Variants in NEDD4 observed in about 807,000 individuals in gnomAD.
NEDD4 encodes E3 ubiquitin-protein ligase NEDD4.
In NEDD4, 99 loss-of-function variants were observed where a neutral mutation model predicts 144.9. The observed-to-expected ratio is 0.68, with a 90% CI of 0.58 to 0.81. The LOEUF is 0.81. NEDD4 is among the 30% of genes least tolerant of loss of function. The pLI, the probability that NEDD4 is intolerant of heterozygous loss-of-function variation, is 0.00. For missense variants in NEDD4, 985 were observed against 1,065.9 expected (o/e 0.92, Z 1.06); for synonymous variants, 318 against 350.6 (o/e 0.91, Z 1.04).
rs569672028 is a variant in NEDD4 at position 55,847,030 on chromosome 15, A to G, written c.1547T>C (p.Val516Ala). 9.4e-6 allele frequency: 15 copies of G among 1,600,594 alleles called. No individual in the cohort carries two copies. The South Asian group carries it at 1.4e-4, about 15-fold the overall frequency. ...TCTTTTGTAATCCCTGGAGTAGGGC[A>G]CTGCCTTTAGTTGGAAATTTTGGAA... ...LENVAITGPA[V>A]PYSRDYKRKY... Residue 516 changes from valine to alanine, a missense_variant, in exon 18 of 29, where the codon GTG (valine) becomes GCG (alanine). Physicochemically the swap from Val to Ala is moderately conservative, Grantham distance 64 (BLOSUM62 0). Coordinates refer to ENST00000435532, the MANE Select transcript of NEDD4 (RefSeq NM_006154.4).
At chr15:55,913,694 G>T (rs1340708853) in intron 5 of NEDD4, among the ~76,000 whole-genome samples, 1 of 151,816 alleles carries the variant, frequency 6.6e-6, no homozygotes, top group Non-Finnish European at 1.5e-5. Flanking sequence ...AGTAACAGTG[G>T]ATATTTTTAA....
At chr15:55,903,109 T>C (rs1376173216) in intron 5 of NEDD4, among the ~76,000 whole-genome samples, 1 of 152,156 alleles carries the variant, frequency 6.6e-6, no homozygotes, top group African/African-American at 2.4e-5. Context: ...ACAATGGCCA[T>C]AAGAAAACAC....
chr15:55,964,032 G>C (rs1238088918), intron 2 of NEDD4, among the ~76,000 whole-genome samples: 2 of 151,928 alleles, frequency 1.3e-5, no homozygotes, highest in African/African-American at 4.8e-5. Flanking sequence ...TTTTTGTCAA[G>C]ATTTTTCTCT....
intron 5 of NEDD4, among the ~76,000 whole-genome samples, chr15:55,887,609 A>G (rs2035435441): frequency 6.6e-6 from 1 of 152,206 alleles, no homozygotes; most frequent in African/African-American, 2.4e-5. Context: ...ACAGAGGAGG[A>G]GGGAATACTT....
chr15:55,874,018 A>G lies in NEDD4; in HGVS notation c.292-10T>C. The G allele has an allele frequency of 6.8e-7, 1 of 1,474,752 alleles. No individual in the cohort carries two copies. 91.4% of individuals were successfully genotyped at this position (1,474,752 alleles called of 1,614,324 possible). A position where few individuals can be genotyped will look rare whatever the true frequency, so the allele number is the denominator to read the frequency against. On this transcript the variant is annotated splice_polypyrimidine_tract_variant and intron_variant, in intron 5 of 28. Coordinates refer to ENST00000435532, the MANE Select transcript of NEDD4 (RefSeq NM_006154.4). ...GGAAATCATCTCTTGTCTATAAGAGAAGGAAGAAAAAATATAATTAGTAAT... is the reference window on the plus strand; with the variant it reads ...GGAAATCATCTCTTGTCTATAAGAGGAGGAAGAAAAAATATAATTAGTAAT...
intron 5 of NEDD4, among the ~76,000 whole-genome samples, chr15:55,908,017 C>T (rs1156918303): frequency 2.6e-5 from 4 of 152,288 alleles, no homozygotes; most frequent in Admixed American, 2.6e-4. Context: ...GAGTGCCACT[C>T]TTCCACGCAA....
intron 5 of NEDD4, chr15:55,917,228 T>C (rs2036478273): frequency 1.1e-6 from 1 of 907,504 alleles, no homozygotes. Context: ...ACATTTCAAG[T>C]TGAAACAGTA....
intron 4 of NEDD4, among the ~76,000 whole-genome samples, chr15:55,942,515 C>T (rs1292874570): frequency 6.6e-6 from 1 of 152,082 alleles, no homozygotes; most frequent in African/African-American, 2.4e-5. Context: ...AGTACTTCCC[C>T]CTTCATTCTC....
chr15:55,942,260 A>G (rs1382838079), intron 4 of NEDD4, among the ~76,000 whole-genome samples: 5 of 152,178 alleles, frequency 3.3e-5, no homozygotes, highest in Non-Finnish European at 5.9e-5. Flanking sequence ...ATCTCTGGCA[A>G]TACTGTCCTG....
chr15:55,938,767 C>T (rs1189356709), intron 4 of NEDD4, among the ~76,000 whole-genome samples: 2 of 151,356 alleles, frequency 1.3e-5, no homozygotes, highest in South Asian at 2.1e-4. Context: ...TCCCATAACC[C>T]AATAGTAAAA....
chr15:55,967,115 C>T (rs1324289326), intron 1 of NEDD4, among the ~76,000 whole-genome samples: 1 of 152,122 alleles, frequency 6.6e-6, no homozygotes, highest in African/African-American at 2.4e-5. Context: ...GAACTCCTGA[C>T]CTCAGGTGAT....
intron 4 of NEDD4, among the ~76,000 whole-genome samples, chr15:55,943,257 G>T (rs1212390319): frequency 6.6e-6 from 1 of 152,238 alleles, no homozygotes; most frequent in Non-Finnish European, 1.5e-5. Flanking sequence ...CCATTTTGTG[G>T]GGAGGAATTC....
intron 4 of NEDD4, among the ~76,000 whole-genome samples, chr15:55,936,626 T>C (rs68170026): frequency 0.13 from 20,409 of 152,118 alleles, 1,491 homozygotes; most frequent in East Asian, 0.32. Context: ...GCTAAAAATA[T>C]ACACAGAGCA....
At chr15:55,976,109 T>A (rs1214283735) in intron 1 of NEDD4, among the ~76,000 whole-genome samples, 1 of 152,138 alleles carries the variant, frequency 6.6e-6, no homozygotes, top group Non-Finnish European at 1.5e-5. Flanking sequence ...CCCTATCTCT[T>A]GTCATATACA....
chr15:55,983,075 T>C (rs147745854), intron 1 of NEDD4, among the ~76,000 whole-genome samples: 2 of 151,866 alleles, frequency 1.3e-5, no homozygotes, highest in East Asian at 3.9e-4. Flanking sequence ...TGAACCGAGA[T>C]TGCGCCATTG....
chr15:55,926,212 G>C (rs2036662271), intron 4 of NEDD4, among the ~76,000 whole-genome samples: 1 of 152,094 alleles, frequency 6.6e-6, no homozygotes, highest in South Asian at 2.1e-4. Flanking sequence ...TTAACATGGA[G>C]ACCCTGAATA....
intron 4 of NEDD4, among the ~76,000 whole-genome samples, chr15:55,947,664 C>T (rs1056071706): frequency 6.6e-5 from 10 of 152,264 alleles, no homozygotes; most frequent in African/African-American, 1.4e-4. Context: ...AATCAATAAA[C>T]GTAATCCAGC....
chr15:55,938,436 C>T (rs1057071570), intron 4 of NEDD4, among the ~76,000 whole-genome samples: 1 of 152,012 alleles, frequency 6.6e-6, no homozygotes. Context: ...TGACCCTTAT[C>T]TTAAAACAAA....
At chr15:55,957,446 G>A (rs1217932063) in intron 2 of NEDD4, among the ~76,000 whole-genome samples, 1 of 152,186 alleles carries the variant, frequency 6.6e-6, no homozygotes, top group Non-Finnish European at 1.5e-5. Context: ...TACCCCTGAT[G>A]AGGTTTAGGA....
Sources: allele counts gnomAD v4.1 joint callset (sites outside exome capture counted in the v4.1 genomes callset), GRCh38; gene constraint gnomAD v4.1.1; transcripts MANE v1.5; gene names NCBI Gene and HGNC (gene_info 2026-07-23, HGNC 2026-07-21).